Variants in GGCX observed in about 807,000 individuals in gnomAD.
GGCX encodes the protein gamma-glutamyl carboxylase, also known as vitamin K-dependent gamma-carboxylase.
GGCX carries 63 observed loss-of-function variants against 88.5 expected under a neutral mutation model. That is an observed-to-expected ratio of 0.71 (90% CI 0.58 to 0.88). The LOEUF is 0.88. GGCX is among the 40% of genes least tolerant of loss of function. The pLI, the probability that GGCX is intolerant of heterozygous loss-of-function variation, is 0.00. For synonymous variants in GGCX, 368 were observed against 365.8 expected (o/e 1.01, Z -0.07); for missense variants, 805 against 932.9 (o/e 0.86, Z 1.79).
At chr2:85,557,898 C>T (rs563239780) in intron 4 of GGCX, among the ~76,000 whole-genome samples, 1 of 152,084 alleles carries the variant, frequency 6.6e-6, no homozygotes, top group Admixed American at 6.5e-5. Context: ...ACTGCCCCAC[C>T]ACCTTATCTC....
Position 85,551,023 on chromosome 2 carries a change from G to T in GGCX, c.1790C>A (p.Ser597Tyr), listed in dbSNP as rs1691923730. The T allele has an allele frequency of 1.2e-6, 2 of 1,613,662 alleles. No homozygotes were observed. Among genetic ancestry groups the T allele is most frequent in the Non-Finnish European group, 1.7e-6 (2 of 1,179,514 alleles). The change falls in exon 13 of 15, where the codon TCT (serine) becomes TAT (tyrosine). Residue 597 changes from serine (S) to tyrosine (Y), a missense_variant. By Grantham distance (144) the Ser-to-Tyr change is moderately radical. This residue lies in a region of GGCX where 680 missense variants were observed against 763.7 expected (regional missense o/e 0.89). Coordinates refer to ENST00000233838, the MANE Select transcript of GGCX (RefSeq NM_000821.7). Reference sequence around the variant, plus strand: ...GTTGACATAGACGTACATGTAGCAAGAAGGGCTAGGTGATGTCGTATACAC... The same window carrying T: ...GTTGACATAGACGTACATGTAGCAATAAGGGCTAGGTGATGTCGTATACAC... ...HKVYTTSPSP[S>Y]CYMYVYVNTT... is the part of the protein sequence containing the mutation.
chr2:85,549,830 A>C lies in GGCX; in HGVS notation c.*104T>G. 4.8e-6 allele frequency: 3 copies of C among 623,442 alleles called. No homozygotes were observed. The highest frequency in any genetic ancestry group is 8.1e-6 in the Non-Finnish European group (3 of 369,292). The allele number at this position is 623,442 out of a possible 1,614,324, so 38.6% of individuals were successfully genotyped here. ...AGCTTTAGAACCCCGCCCCCCCAAA[A>C]AAAAAAAAAAAACTTTTGAGAATTT... On this transcript the variant is annotated 3_prime_UTR_variant, in exon 15 of 15. Coordinates refer to ENST00000233838, the MANE Select transcript of GGCX (RefSeq NM_000821.7).
intron 6 of GGCX, 46 bp from the exon 7 acceptor site, chr2:85,554,352 A>T: frequency 6.4e-7 from 1 of 1,560,206 alleles, no homozygotes; most frequent in Non-Finnish European, 8.8e-7. Flanking sequence ...ACTGGAGAAC[A>T]CATCAAAGCA....
intron 4 of GGCX, 114 bp downstream of exon 4, chr2:85,558,326 T>C (rs1333801407): frequency 3.2e-6 from 3 of 923,938 alleles, no homozygotes; most frequent in Non-Finnish European, 5.3e-6. Flanking sequence ...AAAGTGACCT[T>C]GTAACCATAC....
At chr2:85,552,167 G>A (rs1306218603) in intron 10 of GGCX, among the ~76,000 whole-genome samples, 186 bp from the exon 11 acceptor site, 2 of 152,206 alleles carry the variant, frequency 1.3e-5, no homozygotes, top group African/African-American at 4.8e-5. Context: ...TGGGTATAAT[G>A]GGGGTTAGTA....
intron 4 of GGCX, among the ~76,000 whole-genome samples, chr2:85,556,511 T>TA (rs1333462901): frequency 6.6e-6 from 1 of 152,168 alleles, no homozygotes; most frequent in East Asian, 1.9e-4. Flanking sequence ...GAGTTTGTTC[T>TA]AATGGATCAA....
In GGCX at chr2:85,546,292, A is replaced by C. The variant is rs952611496; in HGVS notation, c.*3642T>G. 3 of 152,216 alleles carry C rather than the reference A, an allele frequency of 2.0e-5. No individual in the cohort carries two copies. Among genetic ancestry groups the C allele is most frequent in the Non-Finnish European group, 4.4e-5 (3 of 68,060 alleles). The allele number at this position is 152,216 out of a possible 1,614,324, so 9.4% of individuals were successfully genotyped here. ...TACTAAAAATATAAAAAAGTTAGCC[A>C]GGCACCTGTAGTCCCAGCTACTCAG... On this transcript the variant is annotated 3_prime_UTR_variant, in exon 15 of 15. Transcript: ENST00000233838.
In GGCX at chr2:85,549,955, A is replaced by C. The variant is rs777597481; in HGVS notation, c.2256T>G (p.Asp752Glu). The C allele has an allele frequency of 5.0e-6, 8 of 1,613,348 alleles. No individual in the cohort carries two copies. Among genetic ancestry groups the C allele is most frequent in the Non-Finnish European group, 6.8e-6 (8 of 1,179,392 alleles). The change falls in exon 15 of 15, where the codon GAT (aspartate) becomes GAG (glutamate). Residue 752 changes from aspartate (D) to glutamate (E), a missense_variant. Physicochemically the swap from Asp to Glu is conservative, Grantham distance 45. Around this residue, in one of 3 missense-constraint regions of GGCX, gnomAD observed 680 missense variants for 763.7 expected, o/e 0.89. Transcript: ENST00000233838. ...CCCTTCAGAACTCTGAGTGGACAGGATCAGGATTTGACTCAGGAGGATTAG... is the reference window on the plus strand; with the variant it reads ...CCCTTCAGAACTCTGAGTGGACAGGCTCAGGATTTGACTCAGGAGGATTAG... ...SHSNPPESNPDPVHSEF is the reference protein window; with the variant it reads ...SHSNPPESNPEPVHSEF
At position 85,551,033 on chromosome 2, in the gene GGCX, G is replaced by A; in HGVS notation, c.1780C>T (p.Pro594Ser). 6.2e-7 allele frequency: 1 copy of A among 1,613,678 alleles called. No homozygotes were observed. Among genetic ancestry groups the A allele is most frequent in the Non-Finnish European group, 8.5e-7 (1 of 1,179,540 alleles). The change falls in exon 13 of 15, where the codon CCT becomes TCT. Residue 594 changes from proline to serine, a missense_variant. By Grantham distance (74) the Pro-to-Ser change is moderately conservative. Around this residue, in one of 3 missense-constraint regions of GGCX, gnomAD observed 680 missense variants for 763.7 expected, o/e 0.89. Coordinates refer to ENST00000233838, the MANE Select transcript of GGCX (RefSeq NM_000821.7). The part of the protein sequence containing the change: ...GEYHKVYTTS[P>S]SPSCYMYVYV... Reference sequence around the variant, plus strand: ...ACGTACATGTAGCAAGAAGGGCTAGGTGATGTCGTATACACCTTATGGTAC... The same window carrying A: ...ACGTACATGTAGCAAGAAGGGCTAGATGATGTCGTATACACCTTATGGTAC...
intron 4 of GGCX, among the ~76,000 whole-genome samples, chr2:85,558,166 TTCTC>T (rs1211480268): frequency 1.3e-5 from 2 of 152,226 alleles, no homozygotes; most frequent in Non-Finnish European, 2.9e-5. Flanking sequence ...TATTCTGTTT[TTCTC>T]TCTAAGAGGG....
In GGCX at chr2:85,547,244, G is replaced by A. The variant is rs143606969; in HGVS notation, c.*2690C>T. On this transcript the variant is annotated 3_prime_UTR_variant, in exon 15 of 15. Transcript: ENST00000233838. ...AACCTGCCTTTCTAAAGTTTCAAAG[G>A]GGATGGATACCCATCAGGGGCAAAG... 132 of 152,244 alleles carry A rather than the reference G, an allele frequency of 8.7e-4. No homozygotes were observed. The highest frequency in any genetic ancestry group is 3.0e-3 in the African/African-American group (125 of 41,532). The allele number at this position is 152,244 out of a possible 1,614,324, so 9.4% of individuals were successfully genotyped here.
At position 85,552,921 on chromosome 2, in the gene GGCX, C is replaced by A; in HGVS notation, c.1287+18G>T. ...GGGGCTCTGAAGAACAGTAAATTGT[C>A]AGCATCAGACATCTCACCCCAGGGT... On this transcript the variant is annotated intron_variant, in intron 9 of 14. Coordinates refer to ENST00000233838, the MANE Select transcript of GGCX (RefSeq NM_000821.7). The A allele has an allele frequency of 6.2e-7, 1 of 1,613,926 alleles. No homozygotes were observed. Among genetic ancestry groups the A allele is most frequent in the South Asian group, 1.1e-5 (1 of 91,042 alleles).
rs868590120 is a variant in GGCX at position 85,551,740 on chromosome 2, C to G, written c.1609+72G>C. 8 of 1,560,946 alleles carry G rather than the reference C, an allele frequency of 5.1e-6. No homozygotes were observed. The Admixed American group carries it at 1.3e-4, about 26-fold the overall frequency. On this transcript the variant is annotated intron_variant, in intron 11 of 14. Transcript: ENST00000233838. ...CAAAAACATTCCCTCTCCCCTCCCA[C>G]CACATGGAATGTCCCTGGCCAAGGA...
intron 10 of GGCX, 44 bp downstream of exon 10, chr2:85,552,371 AG>A (rs1187206475): frequency 6.3e-7 from 1 of 1,583,130 alleles, no homozygotes; most frequent in Non-Finnish European, 8.7e-7. Context: ...CTTGGTAAAA[AG>A]AACTGTGCTT....
chr2:85,553,265 C>A lies in GGCX; in HGVS notation c.1122G>T (p.Gln374His). 1 of 1,614,298 alleles carries A rather than the reference C, an allele frequency of 6.2e-7. No individual in the cohort carries two copies. Residue 374 changes from glutamine (Q) to histidine (H), a missense_variant, in exon 8 of 15, where the codon CAG becomes CAT. By Grantham distance (24) the Gln-to-His change is conservative. Transcript: ENST00000233838. ...GAAAATGAGAATAGGGCAGGAATAG[C>A]TGCTCCAGGAGGTAGAGCAGGGTGA... is the stretch of plus-strand genomic sequence containing the variant. ...AAFTLLYLLE[Q>H]LFLPYSHFLT...
In GGCX at chr2:85,547,506, T is replaced by C. The variant is rs1317503364; in HGVS notation, c.*2428A>G. The C allele has an allele frequency of 6.6e-6, 1 of 152,224 alleles. No homozygotes were observed. The highest frequency in any genetic ancestry group is 1.5e-5 in the Non-Finnish European group (1 of 68,038). The allele number at this position is 152,224 out of a possible 1,614,324, so 9.4% of individuals were successfully genotyped here. On this transcript the variant is annotated 3_prime_UTR_variant, in exon 15 of 15. Transcript: ENST00000233838. The stretch of plus-strand genomic sequence containing the variant: ...ACTAACAGTTTGGGGAAGGGCAGCA[T>C]CCTTGCCCATATTTAGAAAAATACT...
intron 4 of GGCX, among the ~76,000 whole-genome samples, chr2:85,557,262 TAA>T (rs1692240876): frequency 6.6e-6 from 1 of 152,198 alleles, no homozygotes; most frequent in African/African-American, 2.4e-5. Flanking sequence ...TCAAAATGCA[TAA>T]AGTCATAAAA....
chr2:85,554,613 G>A (rs1362128209), intron 6 of GGCX: 7 of 430,082 alleles, frequency 1.6e-5, no homozygotes, highest in East Asian at 9.4e-5. Flanking sequence ...CCACAGGCAC[G>A]TGCCACCACG....
chr2:85,557,041 G>T (rs1489916728), intron 4 of GGCX, among the ~76,000 whole-genome samples: 1 of 152,182 alleles, frequency 6.6e-6, no homozygotes, highest in East Asian at 1.9e-4. Context: ...TAAAGCGAGA[G>T]AATCTCTGGA....
Sources: allele counts gnomAD v4.1 joint callset (sites outside exome capture counted in the v4.1 genomes callset), GRCh38; gene constraint gnomAD v4.1.1; regional missense constraint gnomAD v4.1.1; transcripts MANE v1.5; gene names NCBI Gene and HGNC (gene_info 2026-07-23, HGNC 2026-07-21).